Variants in CTNNA2 observed in about 807,000 individuals in gnomAD.
CTNNA2 encodes the protein catenin alpha 2, also known as catenin alpha-2.
In CTNNA2, 42 loss-of-function variants were observed where a neutral mutation model predicts 101.0. That is an observed-to-expected ratio of 0.42 (90% CI 0.32 to 0.54). The LOEUF (loss-of-function observed/expected upper bound fraction) is 0.54. Among genes scored for constraint, CTNNA2 ranks in the 20% least tolerant of loss-of-function variants. CTNNA2 has a pLI of 0.14. For missense variants in CTNNA2, 871 were observed against 1,223.1 expected (o/e 0.71, Z 4.29); for synonymous variants, 450 against 456.4 (o/e 0.99, Z 0.18).
intron 3 of CTNNA2, among the ~76,000 whole-genome samples, chr2:79,838,463 C>A (rs1679559284): frequency 6.6e-6 from 1 of 152,048 alleles, no homozygotes; most frequent in Non-Finnish European, 1.5e-5. Flanking sequence ...TATGCCAAAA[C>A]AATAGGAGGC....
At chr2:80,561,142 A>G (rs988956303) in intron 12 of CTNNA2, among the ~76,000 whole-genome samples, 3 of 152,090 alleles carry the variant, frequency 2.0e-5, no homozygotes, top group Admixed American at 6.6e-5. Context: ...TCTGGCTGGA[A>G]TATGGGGGAC....
rs1682052208 is a variant in CTNNA2, at chr2:79,661,761, T to C, written c.102+10103T>C. On this transcript the variant is annotated intron_variant, in intron 2 of 18. Transcript: ENST00000402739. ...AAAAGGGGAAAGGTGCTAATGTTTC[T>C]TGAGTAGGTACTAAATGCCTGGTGC... 2.6e-5 allele frequency among the ~76,000 whole-genome samples: 4 copies of C among 152,178 alleles called. No individual in the cohort carries two copies. The South Asian group carries it at 8.3e-4, about 31-fold the overall frequency.
chr2:79,456,584 C>A (rs1371224237), intron 4 of CTNNA2, among the ~76,000 whole-genome samples: 1 of 152,160 alleles, frequency 6.6e-6, no homozygotes, highest in East Asian at 1.9e-4. Context: ...CTCTCCAAGA[C>A]AAATTGACAT....
intron 7 of CTNNA2, among the ~76,000 whole-genome samples, chr2:80,106,622 C>T (rs754806669): frequency 1.3e-5 from 2 of 152,106 alleles, no homozygotes; most frequent in African/African-American, 4.8e-5. Flanking sequence ...GAGGTGGCCC[C>T]CAGACTGCAC....
At chr2:80,308,381 A>T (rs1166132418) in intron 7 of CTNNA2, among the ~76,000 whole-genome samples, 1 of 152,110 alleles carries the variant, frequency 6.6e-6, no homozygotes, top group Non-Finnish European at 1.5e-5. Context: ...CTGGACCTTG[A>T]TCTTTATGCT....
chr2:79,656,365 A>G (rs1439858113), intron 2 of CTNNA2, among the ~76,000 whole-genome samples: 1 of 152,170 alleles, frequency 6.6e-6, no homozygotes, highest in Admixed American at 6.6e-5. Flanking sequence ...TCAAACACAT[A>G]CACACAACTT....
At chr2:79,233,557 T>A (rs1462918902) in intron 2 of CTNNA2, among the ~76,000 whole-genome samples, 2 of 152,170 alleles carry the variant, frequency 1.3e-5, no homozygotes, top group Non-Finnish European at 2.9e-5. Context: ...TCTCTAGATG[T>A]CTATTAGGTC....
At chr2:79,975,930 G>C (rs1048121215) in intron 7 of CTNNA2, among the ~76,000 whole-genome samples, 1 of 152,114 alleles carries the variant, frequency 6.6e-6, no homozygotes, top group East Asian at 1.9e-4. Flanking sequence ...TTAGTGAGGC[G>C]CCCAACCTTC....
chr2:80,585,924 C>T (rs188372621), intron 14 of CTNNA2, among the ~76,000 whole-genome samples: 7 of 152,234 alleles, frequency 4.6e-5, no homozygotes, highest in Admixed American at 4.6e-4. Flanking sequence ...TGCTTTCACC[C>T]AAGTCACACA....
intron 13 of CTNNA2, among the ~76,000 whole-genome samples, chr2:80,575,598 C>T (rs937601992): frequency 2.0e-5 from 3 of 152,106 alleles, no homozygotes; most frequent in African/African-American, 7.2e-5. Context: ...AAGTAATAGA[C>T]CATGAGAATT....
intron 2 of CTNNA2, among the ~76,000 whole-genome samples, chr2:79,667,026 ATACT>A (rs1456260048): frequency 6.6e-6 from 1 of 152,148 alleles, no homozygotes; most frequent in Non-Finnish European, 1.5e-5. Flanking sequence ...AGAAGCAAAA[ATACT>A]TAAAGATCAA....
Position 80,303,436 on chromosome 2 carries a change from C to A in CTNNA2, c.1057-89775C>A, listed in dbSNP as rs200965141. The stretch of plus-strand genomic sequence containing the variant: ...GCATGGGCCGGAAGGTGGTGTTGGG[C>A]AGTTGGGTGATCTGGTTGGAACTCA... On this transcript the variant is annotated intron_variant, in intron 7 of 18. Transcript: ENST00000402739. This position sits in a 1 kb window ranked among gnomAD's most constrained non-coding sequence, Gnocchi z 7.7. The A allele has an allele frequency of 9.9e-6, 16 of 1,614,054 alleles. No homozygotes were observed. The highest frequency in any genetic ancestry group is 1.7e-5 in the Admixed American group (1 of 59,996).
chr2:80,201,057 C>A (rs1311770867), intron 7 of CTNNA2, among the ~76,000 whole-genome samples: 1 of 152,094 alleles, frequency 6.6e-6, no homozygotes, highest in Non-Finnish European at 1.5e-5. Context: ...TTACACATAA[C>A]CTGCACACAT....
intron 2 of CTNNA2, among the ~76,000 whole-genome samples, chr2:79,221,086 G>A (rs762391023): frequency 1.3e-5 from 2 of 152,034 alleles, no homozygotes; most frequent in African/African-American, 4.8e-5. Context: ...CGAAATAAAG[G>A]AACAAATTCA....
At chr2:80,543,609 T>C (rs149321558) in intron 9 of CTNNA2, among the ~76,000 whole-genome samples, 2 of 152,310 alleles carry the variant, frequency 1.3e-5, no homozygotes, top group East Asian at 1.9e-4. Flanking sequence ...ACCCATCTCA[T>C]GTTGCTGATA....
At chr2:80,158,961 C>T (rs1210075886) in intron 7 of CTNNA2, among the ~76,000 whole-genome samples, 1 of 151,696 alleles carries the variant, frequency 6.6e-6, no homozygotes, top group Non-Finnish European at 1.5e-5. Flanking sequence ...CAGTCCGTGA[C>T]ATTTGGGGAT....
At chr2:79,818,848 T>TATATATATATATATATATATA (rs70940046) in intron 3 of CTNNA2, among the ~76,000 whole-genome samples, 23 of 135,400 alleles carry the variant, frequency 1.7e-4, no homozygotes, top group African/African-American at 4.5e-4. Context: ...TATATATATA[T>TATATATATATATATATATATA]GGATGTATGT....
intron 4 of CTNNA2, among the ~76,000 whole-genome samples, chr2:79,439,307 G>A (rs1678753031): frequency 6.6e-6 from 1 of 152,192 alleles, no homozygotes; most frequent in Admixed American, 6.5e-5. Flanking sequence ...AAGTGAAAGA[G>A]CCAGTCACAA....
chr2:79,253,825 C>A (rs192881766), intron 2 of CTNNA2, among the ~76,000 whole-genome samples: 2 of 152,062 alleles, frequency 1.3e-5, no homozygotes, highest in South Asian at 2.1e-4. Context: ...GTGTATTTGT[C>A]GGTGATAGAG....
Sources: gnomAD v4.1 joint callset for allele counts (sites outside exome capture counted in the v4.1 genomes callset) on GRCh38, gnomAD v4.1.1 for gene constraint, Gnocchi (gnomAD v3.1) non-coding constraint, MANE v1.5 for transcripts, NCBI Gene and HGNC (gene_info 2026-07-23, HGNC 2026-07-21) for gene names.